The following MUC17 variants were observed in gnomAD, a reference collection of about 807,000 sequenced individuals.
MUC17 encodes mucin-17.
In MUC17, 190 loss-of-function variants were observed where a neutral mutation model predicts 170.3. That is an observed-to-expected ratio of 1.12 (90% CI 0.99 to 1.26). The LOEUF (loss-of-function observed/expected upper bound fraction) is 1.26, where lower values mean the gene tolerates loss of function less well. Among genes scored for constraint, MUC17 ranks in the 50% most tolerant of loss-of-function variants. The probability of loss-of-function intolerance (pLI) is 0.00; values close to 1 mark genes in which losing one functional copy is unlikely to be tolerated. For missense variants in MUC17, 6,415 were observed against 5,530.0 expected, an observed-to-expected ratio of 1.16 and a Z score of -5.08; for synonymous variants, 2,325 against 2,002.5, an observed-to-expected ratio of 1.16 and a Z score of -4.30.
chr7:101,037,512 C>A lies in MUC17; in HGVS notation c.6096C>A (p.Thr2032=). ...CATCTCCTACAACTGCAGGAGGTACCAGCATACAAACCTCAACTCCTAGTG... is the reference window on the plus strand; with the variant it reads ...CATCTCCTACAACTGCAGGAGGTACAAGCATACAAACCTCAACTCCTAGTG... ...GSSSPTTAGG[T]SIQTSTPSER... is the part of the protein sequence containing the mutation. The change falls in exon 3 of 13, where the codon ACC becomes ACA. Residue 2032 remains threonine (T), a synonymous_variant. Transcript: ENST00000306151. The A allele has an allele frequency of 6.2e-7, 1 of 1,613,748 alleles. No homozygotes were observed. The highest frequency in any genetic ancestry group is 8.5e-7 in the Non-Finnish European group (1 of 1,179,838).
chr7:101,031,104 C>T lies in MUC17; in HGVS notation c.83-16C>T. The T allele has an allele frequency of 1.2e-6, 2 of 1,602,402 alleles. No homozygotes were observed. The highest frequency in any genetic ancestry group is 1.7e-5 in the Admixed American group (1 of 58,628). Reference sequence around the variant, plus strand: ...ATCATGGCTCTGGGATACTAACTCCCCTTTGTCTCTTTCAGACCTCAGTGT... The same window carrying T: ...ATCATGGCTCTGGGATACTAACTCCTCTTTGTCTCTTTCAGACCTCAGTGT... On this transcript the variant is annotated splice_polypyrimidine_tract_variant and intron_variant, in intron 1 of 12. Transcript: ENST00000306151.
Position 101,050,637 on chromosome 7 carries a change from T to C in MUC17, c.12874+2T>C. 1 of 1,612,944 alleles carries C rather than the reference T, an allele frequency of 6.2e-7. No homozygotes were observed. On this transcript the variant is annotated splice_donor_variant, in intron 7 of 12. Coordinates refer to ENST00000306151, the MANE Select transcript of MUC17 (RefSeq NM_001040105.2). LOFTEE classifies it high-confidence loss of function. ...TAATGATTAATGATATTTGCTCAGGTGAACTCTGGGCTTCCAGGGAGGGAA... is the reference window on the plus strand; with the variant it reads ...TAATGATTAATGATATTTGCTCAGGCGAACTCTGGGCTTCCAGGGAGGGAA...
rs1037731746 is a variant in MUC17 at position 101,038,377 on chromosome 7, C to T, written c.6961C>T (p.Pro2321Ser). 3 of 1,608,786 alleles carry T rather than the reference C, an allele frequency of 1.9e-6. No homozygotes were observed. Among genetic ancestry groups the T allele is most frequent in the Middle Eastern group, 1.7e-4 (1 of 6,012 alleles). ...TTSTEASSPP[P>S]TAEGTSMPTS... ...TTCTACTGAAGCCAGTTCACCTCCT[C>T]CCACTGCTGAAGGTACCAGCATGCC... The change falls in exon 3 of 13, where the codon CCC (proline) becomes TCC (serine). Residue 2321 changes from proline (P) to serine (S), a missense_variant. Transcript: ENST00000306151.
chr7:101,037,121 C>T lies in MUC17; in HGVS notation c.5705C>T (p.Ala1902Val). ...ACCAGCACACCTGTGACCACTTATG[C>T]TCAAGTCAGTTCATCTCCTACAACT... ...AVTSTPVTTY[A>V]QVSSSPTTAD... The change falls in exon 3 of 13, where the codon GCT becomes GTT. Residue 1902 changes from alanine (A) to valine (V), a missense_variant. Coordinates refer to ENST00000306151, the MANE Select transcript of MUC17 (RefSeq NM_001040105.2). 8 of 1,587,114 alleles carry T rather than the reference C, an allele frequency of 5.0e-6. 1 individual carries two copies. The Middle Eastern group carries it at 8.4e-4, about 166-fold the overall frequency.
chr7:101,051,442 G>A (rs1009569655), intron 7 of MUC17, among the ~76,000 whole-genome samples, 171 bp from the exon 8 acceptor site: 2 of 151,408 alleles, frequency 1.3e-5, no homozygotes, highest in East Asian at 3.9e-4. Context: ...AAAAGGCTCA[G>A]GACACTTGGA....
Position 101,050,690 on chromosome 7 carries a change from A to C in MUC17, c.12874+55A>C, listed in dbSNP as rs1584876445. The C allele has an allele frequency of 3.8e-6, 6 of 1,582,996 alleles. No homozygotes were observed. The East Asian group carries it at 1.3e-4, about 36-fold the overall frequency. ...GAGAAGGCATCAGAGCTGGGGCATG[A>C]CTTTCTTAATAGACAGGAGGGCGGG... On this transcript the variant is annotated intron_variant, in intron 7 of 12. Coordinates refer to ENST00000306151, the MANE Select transcript of MUC17 (RefSeq NM_001040105.2).
At chr7:101,031,277 T>C (rs985090027) in intron 2 of MUC17, 56 bp downstream of exon 2, 1 of 1,568,696 alleles carries the variant, frequency 6.4e-7, no homozygotes. Context: ...GCGAAAGGGC[T>C]AGAGCGACCC....
At position 101,037,270 on chromosome 7, in the gene MUC17, G is replaced by C; in HGVS notation, c.5854G>C (p.Asp1952His). The change falls in exon 3 of 13, where the codon GAC becomes CAC. Residue 1952 changes from aspartate (D) to histidine (H), a missense_variant. Transcript: ENST00000306151. The stretch of plus-strand genomic sequence containing the variant: ...CAACACCCTTTCAACAACTCTTGCT[G>C]ACACCAGGACACCTGTGACCACTTA... ...EINTLSTTLADTRTPVTTYSQ... is the reference protein window; with the variant it reads ...EINTLSTTLAHTRTPVTTYSQ... The C allele has an allele frequency of 1.9e-6, 3 of 1,611,796 alleles. No homozygotes were observed. The highest frequency in any genetic ancestry group is 2.2e-5 in the South Asian group (2 of 90,774).
In MUC17 at chr7:101,032,803, C is replaced by T; in HGVS notation, c.1387C>T (p.Pro463Ser). 1 of 1,613,550 alleles carries T rather than the reference C, an allele frequency of 6.2e-7. No individual in the cohort carries two copies. The highest frequency in any genetic ancestry group is 8.5e-7 in the Non-Finnish European group (1 of 1,179,830). ...PLTSMPVSTT[P>S]VASSEASNLS... is the part of the protein sequence containing the mutation. Reference sequence around the variant, plus strand: ...AACAAGTATGCCTGTCAGCACCACTCCAGTGGCCAGTTCTGAGGCTAGCAA... The same window carrying T: ...AACAAGTATGCCTGTCAGCACCACTTCAGTGGCCAGTTCTGAGGCTAGCAA... Residue 463 changes from proline (P) to serine (S), a missense_variant, in exon 3 of 13, where the codon CCA (proline) becomes TCA (serine). Transcript: ENST00000306151.
In MUC17 at chr7:101,031,650, G is replaced by A; in HGVS notation, c.234G>A (p.Glu78=). 1 of 1,570,450 alleles carries A rather than the reference G, an allele frequency of 6.4e-7. No individual in the cohort carries two copies. Among genetic ancestry groups the A allele is most frequent in the Non-Finnish European group, 8.6e-7 (1 of 1,157,932 alleles). The change falls in exon 3 of 13, where the codon GAG becomes GAA. Residue 78 remains glutamate, a synonymous_variant. Coordinates refer to ENST00000306151, the MANE Select transcript of MUC17 (RefSeq NM_001040105.2). ...GTACAACATCTACAAATGTCGTGGA[G>A]CCAAGAATGTATTTGAGTTGCAGCA... The part of the protein sequence containing the change: ...ATGTTSTNVV[E]PRMYLSCSTN...
chr7:101,056,622 C>T (rs1355047168), intron 12 of MUC17, among the ~76,000 whole-genome samples: 1 of 152,210 alleles, frequency 6.6e-6, no homozygotes, highest in East Asian at 1.9e-4. Flanking sequence ...CCATCTAGCT[C>T]AACAAGGCTT....
In MUC17 at chr7:101,035,368, TCTC is replaced by T. The variant is rs1266072682; in HGVS notation, c.3955_3957del (p.Pro1319del). The T allele has an allele frequency of 6.2e-7, 1 of 1,609,770 alleles. No homozygotes were observed. The highest frequency in any genetic ancestry group is 1.7e-5 in the Admixed American group (1 of 59,736). On this transcript the variant is annotated inframe_deletion, in exon 3 of 13. Transcript: ENST00000306151. ...GGTCACTTCTAATGAAGTCAGTTCA[TCTC>T]CTACACCTGCTGAAGGTACCAGCAT... is the stretch of plus-strand genomic sequence containing the variant.
At position 101,040,404 on chromosome 7, in the gene MUC17, C is replaced by A; in HGVS notation, c.8988C>A (p.Thr2996=). 6.2e-7 allele frequency: 1 copy of A among 1,612,448 alleles called. No homozygotes were observed. Among genetic ancestry groups the A allele is most frequent in the Non-Finnish European group, 8.5e-7 (1 of 1,179,406 alleles). ...RTPLTSMSVS[T]MPVASSEAST... ...CATTAACAAGTATGTCTGTCAGCAC[C>A]ATGCCGGTGGCCAGTTCTGAGGCTA... Residue 2996 remains threonine (T), a synonymous_variant, in exon 3 of 13, where the codon ACC becomes ACA. Coordinates refer to ENST00000306151, the MANE Select transcript of MUC17 (RefSeq NM_001040105.2).
intron 6 of MUC17, 93 bp from the exon 7 acceptor site, chr7:101,050,391 C>A: frequency 6.6e-7 from 1 of 1,525,056 alleles, no homozygotes; most frequent in Non-Finnish European, 8.8e-7. Flanking sequence ...CTCTGCCTTC[C>A]CTTGGGATCA....
At chr7:101,047,353 CTCTT>C (rs1794860085) in intron 3 of MUC17, among the ~76,000 whole-genome samples, 1 of 152,122 alleles carries the variant, frequency 6.6e-6, no homozygotes, top group Non-Finnish European at 1.5e-5. Flanking sequence ...TACCAGGTTT[CTCTT>C]TCTTCACGTT....
intron 1 of MUC17, among the ~76,000 whole-genome samples, chr7:101,030,595 G>T (rs1324151403): frequency 6.6e-6 from 1 of 152,016 alleles, no homozygotes; most frequent in African/African-American, 2.4e-5. Context: ...TAGAGACAAG[G>T]TCTCACTCTG....
At position 101,048,125 on chromosome 7, in the gene MUC17, AC is replaced by A; in HGVS notation, c.12535+14del. 1.3e-6 allele frequency: 2 copies of A among 1,558,512 alleles called. No individual in the cohort carries two copies. The highest frequency in any genetic ancestry group is 8.7e-7 in the Non-Finnish European group (1 of 1,152,598). On this transcript the variant is annotated intron_variant, in intron 4 of 12. Transcript: ENST00000306151. ...AGCAGCATTGACATAGGTGAGTGCA[AC>A]CCCAGGCCTTCCCCCACCCCATGCC...
Position 101,038,087 on chromosome 7 carries a change from G to A in MUC17, c.6671G>A (p.Ser2224Asn). 1 of 1,406,660 alleles carries A rather than the reference G, an allele frequency of 7.1e-7. No homozygotes were observed. Among genetic ancestry groups the A allele is most frequent in the Non-Finnish European group, 9.5e-7 (1 of 1,050,542 alleles). 87.1% of individuals were successfully genotyped at this position (1,406,660 alleles called of 1,614,324 possible). The change falls in exon 3 of 13, where the codon AGT (serine) becomes AAT (asparagine). Residue 2224 changes from serine (S) to asparagine (N), a missense_variant. Physicochemically the swap from Ser to Asn is conservative, Grantham distance 46. Coordinates refer to ENST00000306151, the MANE Select transcript of MUC17 (RefSeq NM_001040105.2). ...AGTGAAGGAAGCACTCCATTCACAAGTATGCCTGTCAGCACCATGCCGGTA... is the reference window on the plus strand; with the variant it reads ...AGTGAAGGAAGCACTCCATTCACAAATATGCCTGTCAGCACCATGCCGGTA... ...TPSEGSTPFT[S>N]MPVSTMPVVT...
Position 101,039,974 on chromosome 7 carries a change from C to A in MUC17, c.8558C>A (p.Thr2853Asn). The A allele has an allele frequency of 6.2e-7, 1 of 1,613,662 alleles. No individual in the cohort carries two copies. The highest frequency in any genetic ancestry group is 8.5e-7 in the Non-Finnish European group (1 of 1,179,876). The change falls in exon 3 of 13, where the codon ACT (threonine) becomes AAT (asparagine). Residue 2853 changes from threonine (T) to asparagine (N), a missense_variant. Physicochemically the swap from Thr to Asn is moderately conservative, Grantham distance 65 (BLOSUM62 0). Coordinates refer to ENST00000306151, the MANE Select transcript of MUC17 (RefSeq NM_001040105.2). ...ACTAAAGCCAGTTCATCTCCTACAACTGCTGAAGGTATCGTCGTGCCAATC... is the reference window on the plus strand; with the variant it reads ...ACTAAAGCCAGTTCATCTCCTACAAATGCTGAAGGTATCGTCGTGCCAATC... ...TSTKASSSPT[T>N]AEGIVVPIST...
Sources: gnomAD v4.1 joint callset for allele counts (sites outside exome capture counted in the v4.1 genomes callset) on GRCh38, gnomAD v4.1.1 for gene constraint, MANE v1.5 for transcripts, NCBI Gene and HGNC (gene_info 2026-07-23, HGNC 2026-07-21) for gene names.